The following SAMD3 variants were observed in gnomAD, a reference collection of about 807,000 sequenced individuals.
SAMD3 encodes sterile alpha motif domain containing 3.
SAMD3 carries 63 observed loss-of-function variants against 58.5 expected under a neutral mutation model. The ratio of observed to expected loss-of-function variants is 1.08; its 90% CI spans 0.88 to 1.33. The LOEUF is 1.33. Among genes scored for constraint, SAMD3 ranks in the 40% most tolerant of loss-of-function variants. The probability of loss-of-function intolerance (pLI) is 0.00; values close to 1 mark genes in which losing one functional copy is unlikely to be tolerated. For synonymous variants in SAMD3, 220 were observed against 210.3 expected (o/e 1.05, Z -0.40); for missense variants, 604 against 608.4 (o/e 0.99, Z 0.08).
At chr6:130,193,362 C>T (rs1793740163) in intron 5 of SAMD3, among the ~76,000 whole-genome samples, 1 of 152,014 alleles carries the variant, frequency 6.6e-6, no homozygotes, top group African/African-American at 2.4e-5. Flanking sequence ...ATTTCTGTGC[C>T]CTGACCTCTT....
intron 8 of SAMD3, among the ~76,000 whole-genome samples, chr6:130,165,408 C>T (rs61237911): frequency 1.3e-5 from 2 of 151,802 alleles, no homozygotes; most frequent in Non-Finnish European, 1.5e-5. Flanking sequence ...CAAAAACAAA[C>T]AAACAAAAAA....
chr6:130,251,221 C>T (rs1773726989), intron 2 of SAMD3, among the ~76,000 whole-genome samples: 1 of 150,866 alleles, frequency 6.6e-6, no homozygotes, highest in African/African-American at 2.5e-5. Flanking sequence ...GGGCCATTTG[C>T]ATATCTTTGG....
At chr6:130,206,489 A>G (rs1298702555) in intron 5 of SAMD3, among the ~76,000 whole-genome samples, 1 of 152,176 alleles carries the variant, frequency 6.6e-6, no homozygotes, top group African/African-American at 2.4e-5. Flanking sequence ...ATGCTCGGGA[A>G]CTTACTTGTT....
chr6:130,265,727 G>C (rs1774320742), intron 2 of SAMD3, among the ~76,000 whole-genome samples: 1 of 151,922 alleles, frequency 6.6e-6, no homozygotes, highest in Non-Finnish European at 1.5e-5. Context: ...CTGAAGACTG[G>C]TGGGGGCTCA....
intron 2 of SAMD3, among the ~76,000 whole-genome samples, chr6:130,301,566 GA>G (rs1268479150): frequency 1.3e-5 from 2 of 151,910 alleles, no homozygotes; most frequent in African/African-American, 4.8e-5. Flanking sequence ...TTTTTTCACA[GA>G]ATTAGAAAAA....
chr6:130,298,804 A>G (rs772388282), intron 2 of SAMD3, among the ~76,000 whole-genome samples: 1 of 150,420 alleles, frequency 6.6e-6, no homozygotes, highest in Admixed American at 6.7e-5. Flanking sequence ...ACACAAATGG[A>G]AAACAAAAAA....
At chr6:130,223,391 T>C (rs1796292157), upstream of SAMD3, among the ~76,000 whole-genome samples, 2 of 152,216 alleles carry the variant, frequency 1.3e-5, no homozygotes, top group South Asian at 2.1e-4. Context: ...GTGTACGTGA[T>C]AGTGCAGGTG....
At chr6:130,338,236 G>C (rs773975019) in intron 1 of SAMD3, among the ~76,000 whole-genome samples, 4 of 152,250 alleles carry the variant, frequency 2.6e-5, no homozygotes, top group Non-Finnish European at 5.9e-5. Flanking sequence ...CTTCCAAGTA[G>C]TGTTTGGCCT....
At chr6:130,359,056 A>G (rs1330482672) in intron 1 of SAMD3, among the ~76,000 whole-genome samples, 1 of 152,184 alleles carries the variant, frequency 6.6e-6, no homozygotes, top group Non-Finnish European at 1.5e-5. Context: ...TAAACTACTT[A>G]ATCTCCCTTA....
chr6:130,217,169 G>A (rs988218210), intron 1 of SAMD3, among the ~76,000 whole-genome samples: 13 of 152,090 alleles, frequency 8.5e-5, no homozygotes, highest in African/African-American at 3.1e-4. Context: ...AGCTTTTCTG[G>A]AGAGTTAATA....
rs113973382 is a variant in SAMD3 at position 130,181,933 on chromosome 6, G to C, written c.654+2170C>G. ...ACAACAAATTACCTGGGCGTGGTGGGGGGCACCTGTAGTCCCAGCTACTCG... is the reference window on the plus strand; with the variant it reads ...ACAACAAATTACCTGGGCGTGGTGGCGGGCACCTGTAGTCCCAGCTACTCG... On this transcript the variant is annotated intron_variant, in intron 7 of 11. Coordinates refer to ENST00000439090, the MANE Select transcript of SAMD3 (RefSeq NM_001017373.4). Among the ~76,000 whole-genome samples, 177 of 152,086 alleles carry C rather than the reference G, an allele frequency of 1.2e-3. 1 individual carries two copies. The highest frequency in any genetic ancestry group is 2.8e-3 in the Admixed American group (43 of 15,284).
At chr6:130,298,662 T>C (rs1052515768) in intron 2 of SAMD3, among the ~76,000 whole-genome samples, 4 of 152,122 alleles carry the variant, frequency 2.6e-5, no homozygotes, top group African/African-American at 9.7e-5. Flanking sequence ...AAAGCTTAAA[T>C]GCTTCACTTA....
intron 2 of SAMD3, among the ~76,000 whole-genome samples, chr6:130,298,586 C>T (rs561349987): frequency 3.3e-5 from 5 of 152,090 alleles, no homozygotes; most frequent in East Asian, 1.9e-4. Context: ...CACTAAATGC[C>T]GACATCACAA....
At chr6:130,311,477 G>A (rs1459949666) in intron 2 of SAMD3, among the ~76,000 whole-genome samples, 1 of 152,162 alleles carries the variant, frequency 6.6e-6, no homozygotes, top group Non-Finnish European at 1.5e-5. Flanking sequence ...AAGTGAGGGG[G>A]AAATTTTACA....
chr6:130,214,453 C>T lies in SAMD3; in HGVS notation c.153G>A (p.Gly51=), dbSNP rs1331642201. ...RMVQQLVKKI[G]HQAVLMDLIK... ...TTAAATCCATCAGAACAGCCTGGTG[C>T]CCAATTTTCTTTACCAGTTGCTGAA... The change falls in exon 4 of 12, where the codon GGG becomes GGA. Residue 51 remains glycine (G), a synonymous_variant. Transcript: ENST00000439090. 1 of 1,612,940 alleles carries T rather than the reference C, an allele frequency of 6.2e-7. No individual in the cohort carries two copies. Among genetic ancestry groups the T allele is most frequent in the African/African-American group, 1.3e-5 (1 of 74,830 alleles).
chr6:130,344,032 C>T (rs897522956), intron 1 of SAMD3, among the ~76,000 whole-genome samples: 1 of 151,874 alleles, frequency 6.6e-6, no homozygotes, highest in Non-Finnish European at 1.5e-5. Context: ...AAGAGAGTGG[C>T]CCACTGGGCA....
At chr6:130,209,258 T>C (rs566884936) in intron 5 of SAMD3, among the ~76,000 whole-genome samples, 13 of 152,338 alleles carry the variant, frequency 8.5e-5, no homozygotes, top group African/African-American at 2.9e-4. Context: ...TTCTTAAAAA[T>C]GTATACTTGA....
chr6:130,185,056 G>A (rs1482737248), intron 5 of SAMD3, among the ~76,000 whole-genome samples: 1 of 152,200 alleles, frequency 6.6e-6, no homozygotes, highest in Non-Finnish European at 1.5e-5. Flanking sequence ...TTATTCTGCT[G>A]TTGTTTATAA....
chr6:130,344,393 T>C (rs1777375784), intron 1 of SAMD3, among the ~76,000 whole-genome samples: 1 of 152,188 alleles, frequency 6.6e-6, no homozygotes, highest in South Asian at 2.1e-4. Flanking sequence ...GGCTTCTTTT[T>C]TTACGGGGGA....
Sources: gnomAD v4.1 joint callset for allele counts (sites outside exome capture counted in the v4.1 genomes callset) on GRCh38, gnomAD v4.1.1 for gene constraint, MANE v1.5 for transcripts, NCBI Gene and HGNC (gene_info 2026-07-23, HGNC 2026-07-21) for gene names.